The following HDAC8 variants were observed in gnomAD, a reference collection of about 807,000 sequenced individuals.
HDAC8 encodes the protein histone deacetylase-like 1.
Under a neutral mutation model 32.2 loss-of-function variants are expected in HDAC8, and 1 was observed. That is an observed-to-expected ratio of 0.03 (90% confidence interval 0.01 to 0.15). HDAC8 has a LOEUF of 0.15. Among genes scored for constraint, HDAC8 ranks in the 10% least tolerant of loss-of-function variants. The probability of loss-of-function intolerance (pLI) is 1.00; values close to 1 mark genes in which losing one functional copy is unlikely to be tolerated. For missense variants in HDAC8, 117 were observed against 300.0 expected, an observed-to-expected ratio of 0.39 and a Z score of 4.51; for synonymous variants, 108 against 113.9, an observed-to-expected ratio of 0.95 and a Z score of 0.33.
intron 10 of HDAC8, among the ~76,000 whole-genome samples, chrX:72,346,474 C>T (rs1187113495): frequency 8.9e-6 from 1 of 112,338 alleles, no homozygotes; most frequent in East Asian, 2.8e-4. Context: ...CTTGAATATG[C>T]GCAAACCTGA....
intron 9 of HDAC8, among the ~76,000 whole-genome samples, chrX:72,371,628 C>G (rs1451997255): frequency 8.9e-6 from 1 of 111,982 alleles, no homozygotes; most frequent in African/African-American, 3.2e-5. Flanking sequence ...AATAGGCACT[C>G]ATGTTCATGT....
intron 9 of HDAC8, among the ~76,000 whole-genome samples, chrX:72,437,981 C>T (rs1188787020): frequency 1.8e-5 from 2 of 112,233 alleles, no homozygotes. Context: ...CAACACAGTG[C>T]TCGAGCTCTG....
At chrX:72,527,772 CTTTTTTTTTTT>C (rs1157041190) in intron 4 of HDAC8, among the ~76,000 whole-genome samples, 1 of 89,536 alleles carries the variant, frequency 1.1e-5, no homozygotes, top group East Asian at 3.5e-4. Context: ...TTTCTGACCT[CTTTTTTTTTTT>C]TTTTTTTTTG....
At chrX:72,331,146 C>A (rs1186586011) in intron 10 of HDAC8, among the ~76,000 whole-genome samples, 3 of 109,137 alleles carry the variant, frequency 2.7e-5, no homozygotes, top group Non-Finnish European at 5.7e-5. Context: ...GGGGTTTCAC[C>A]ATGCTGGCCA....
intron 7 of HDAC8, among the ~76,000 whole-genome samples, chrX:72,469,607 A>G (rs1156446199): frequency 8.9e-6 from 1 of 112,371 alleles, no homozygotes; most frequent in Non-Finnish European, 1.9e-5. Flanking sequence ...CCACACCATC[A>G]GAATTTTCTC....
intron 10 of HDAC8, among the ~76,000 whole-genome samples, chrX:72,340,734 G>C (rs1337216848): frequency 9.0e-6 from 1 of 111,559 alleles, no homozygotes. Context: ...ATGCCATCCT[G>C]ACTGAGCCAA....
At chrX:72,436,995 C>G (rs2046969115) in intron 9 of HDAC8, among the ~76,000 whole-genome samples, 1 of 111,824 alleles carries the variant, frequency 8.9e-6, no homozygotes, top group Non-Finnish European at 1.9e-5. Context: ...TAAAAATGCC[C>G]AAGTAACCCA....
rs782099232 is a variant in HDAC8, at chrX:72,406,087, T to C, written c.1006-54249A>G. Among the ~76,000 whole-genome samples the C allele has an allele frequency of 2.7e-5, 3 of 112,066 alleles. No homozygotes were observed. The East Asian group carries it at 8.4e-4, about 31-fold the overall frequency. ...CTGGTAGTTAGTTTTCTTGTGTAAA[T>C]TGTGATTTTTCATTGTGAATTAATT... On this transcript the variant is annotated intron_variant, in intron 9 of 10. Transcript: ENST00000373573.
At chrX:72,464,888 A>C (rs976983859) in intron 7 of HDAC8, among the ~76,000 whole-genome samples, 157 bp from the exon 8 acceptor site, 12 of 111,923 alleles carry the variant, frequency 1.1e-4, no homozygotes, top group African/African-American at 3.2e-4. Flanking sequence ...AGAGAGGTGA[A>C]TCAGACTACA....
At chrX:72,533,513 TAGG>T (rs2050418203) in intron 4 of HDAC8, among the ~76,000 whole-genome samples, 1 of 111,540 alleles carries the variant, frequency 9.0e-6, no homozygotes. Context: ...CAACTAATTT[TAGG>T]AGGTCAGTAT....
chrX:72,466,475 CAGACG>C (rs1569319353), intron 7 of HDAC8, among the ~76,000 whole-genome samples: 10 of 112,306 alleles, frequency 8.9e-5, no homozygotes, highest in Admixed American at 3.8e-4. Flanking sequence ...AAAGGCTCTA[CAGACG>C]TAACTCTTGA....
At chrX:72,470,727 C>A (rs1411349153) in intron 7 of HDAC8, among the ~76,000 whole-genome samples, 1 of 111,859 alleles carries the variant, frequency 8.9e-6, no homozygotes, top group African/African-American at 3.2e-5. Context: ...AAAGCCTTTT[C>A]TCTGTTATCT....
chrX:72,387,470 C>T (rs1172825590), intron 9 of HDAC8, among the ~76,000 whole-genome samples: 1 of 111,631 alleles, frequency 9.0e-6, no homozygotes, highest in Non-Finnish European at 1.9e-5. Flanking sequence ...CAAAGCAGCT[C>T]CCAGGCTCCA....
At chrX:72,543,387 T>C (rs1556045600) in intron 4 of HDAC8, among the ~76,000 whole-genome samples, 1 of 111,564 alleles carries the variant, frequency 9.0e-6, no homozygotes, top group African/African-American at 3.3e-5. Flanking sequence ...TGCATATGGC[T>C]GTGGCTGGAG....
At chrX:72,505,405 C>T (rs1234402025) in intron 4 of HDAC8, among the ~76,000 whole-genome samples, 1 of 111,763 alleles carries the variant, frequency 8.9e-6, no homozygotes, top group Non-Finnish European at 1.9e-5. Context: ...CTATGGCACA[C>T]CACTCTAGGT....
intron 4 of HDAC8, among the ~76,000 whole-genome samples, chrX:72,528,852 A>G (rs2050241410): frequency 8.9e-6 from 1 of 112,227 alleles, no homozygotes; most frequent in Non-Finnish European, 1.9e-5. Context: ...CAGGAGCTCA[A>G]CAACTGTTTG....
chrX:72,424,888 GAAT>G (rs2046592503), intron 9 of HDAC8, among the ~76,000 whole-genome samples: 2 of 112,088 alleles, frequency 1.8e-5, no homozygotes, highest in Admixed American at 9.4e-5. Context: ...GCATGTATCA[GAAT>G]ATTATTCCAT....
intron 4 of HDAC8, among the ~76,000 whole-genome samples, chrX:72,552,601 T>C (rs1189656424): frequency 2.9e-5 from 3 of 104,446 alleles, no homozygotes; most frequent in Non-Finnish European, 3.9e-5. Context: ...GCAACAAGAA[T>C]GAAACTCCGT....
intron 4 of HDAC8, among the ~76,000 whole-genome samples, chrX:72,566,927 C>T (rs1213332560): frequency 1.8e-5 from 2 of 111,804 alleles, no homozygotes; most frequent in Admixed American, 1.9e-4. Flanking sequence ...AGGCAGATCA[C>T]CTGAGGTCAG....
Sources: gnomAD v4.1 joint callset for allele counts (sites outside exome capture counted in the v4.1 genomes callset) on GRCh38, gnomAD v4.1.1 for gene constraint, MANE v1.5 for transcripts, NCBI Gene and HGNC (gene_info 2026-07-23, HGNC 2026-07-21) for gene names.